TANGO2: variants seen among roughly 807,000 people sequenced by gnomAD.
TANGO2 encodes transport and Golgi organization protein 2 homolog.
Under a neutral mutation model 39.1 loss-of-function variants are expected in TANGO2, and 26 were observed. That is an observed-to-expected ratio of 0.67 (90% confidence interval 0.49 to 0.92). TANGO2 has a LOEUF of 0.92. Among genes scored for constraint, TANGO2 ranks in the 40% least tolerant of loss-of-function variants. TANGO2 has a pLI of 0.00. For missense variants in TANGO2, 326 were observed against 360.1 expected (o/e 0.91, Z 0.77); for synonymous variants, 131 against 144.5 (o/e 0.91, Z 0.67).
chr22:20,018,528 C>A (rs987766060), upstream of TANGO2, among the ~76,000 whole-genome samples: 2 of 152,218 alleles, frequency 1.3e-5, no homozygotes, highest in Non-Finnish European at 2.9e-5. Flanking sequence ...ACCCCCTCCC[C>A]ACACTTGCAA....
At chr22:20,039,988 C>T (rs1465087365) in intron 2 of TANGO2, among the ~76,000 whole-genome samples, 1 of 152,128 alleles carries the variant, frequency 6.6e-6, no homozygotes, top group Non-Finnish European at 1.5e-5. Context: ...GGTGACTTGC[C>T]ATCCTCAGGG....
chr22:20,020,831 C>T (rs539359960), upstream of TANGO2, among the ~76,000 whole-genome samples: 461 of 152,220 alleles, frequency 3.0e-3, 1 homozygote, highest in African/African-American at 0.011. Flanking sequence ...GGGGCGGCTG[C>T]GACCTCCCAT....
chr22:20,019,663 T>TG (rs1037110087), upstream of TANGO2, among the ~76,000 whole-genome samples: 37 of 152,342 alleles, frequency 2.4e-4, no homozygotes, highest in Admixed American at 8.5e-4. Flanking sequence ...CCTGGTGCTT[T>TG]GGGGAAGCCC....
In TANGO2 at chr22:20,064,844, G is replaced by A. The variant is rs1057339760; in HGVS notation, c.*182G>A. The A allele has an allele frequency of 4.1e-6, 3 of 739,558 alleles. No homozygotes were observed. Among genetic ancestry groups the A allele is most frequent in the Non-Finnish European group, 6.4e-6 (3 of 468,746 alleles). The allele number at this position is 739,558 out of a possible 1,614,324, so 45.8% of individuals were successfully genotyped here. A position where few individuals can be genotyped will look rare whatever the true frequency, so the allele number is the denominator to read the frequency against. ...TGTCCCCATGCCCAGTTCAGGGTCT[G>A]CCTTTATGCCAGTGAGGAGCAGCAG... On this transcript the variant is annotated 3_prime_UTR_variant, in exon 9 of 9. Transcript: ENST00000327374.
At chr22:20,041,970 G>T (rs372347853) in intron 2 of TANGO2, among the ~76,000 whole-genome samples, 41 of 152,048 alleles carry the variant, frequency 2.7e-4, no homozygotes, top group African/African-American at 9.2e-4. Context: ...GTGCTCAGGG[G>T]GTCTTCAGCC....
intron 1 of TANGO2, chr22:20,033,157 G>A: frequency 1.9e-6 from 1 of 513,674 alleles, no homozygotes; most frequent in Non-Finnish European, 4.0e-6. Context: ...AGGGATTGGA[G>A]AGAAAGGCAG....
intron 1 of TANGO2, among the ~76,000 whole-genome samples, chr22:20,032,866 G>C (rs1489859151): frequency 6.6e-6 from 1 of 152,240 alleles, no homozygotes; most frequent in Admixed American, 6.5e-5. Flanking sequence ...CCCAGATCAA[G>C]ATATGGTGAC....
chr22:20,024,426 C>T (rs967901392), intron 1 of TANGO2, among the ~76,000 whole-genome samples: 9 of 152,194 alleles, frequency 5.9e-5, no homozygotes, highest in Non-Finnish European at 1.2e-4. Flanking sequence ...ACCGGGAGCC[C>T]GCGTCACATG....
intron 2 of TANGO2, among the ~76,000 whole-genome samples, chr22:20,038,536 T>C (rs1239362422): frequency 6.6e-6 from 1 of 152,154 alleles, no homozygotes; most frequent in Non-Finnish European, 1.5e-5. Context: ...GGGCCCCTCT[T>C]GCTTTCACTC....
intron 3 of TANGO2, among the ~76,000 whole-genome samples, chr22:20,044,768 T>C (rs2044770761): frequency 6.6e-6 from 1 of 152,150 alleles, no homozygotes; most frequent in Non-Finnish European, 1.5e-5. Flanking sequence ...ACAAGACTGA[T>C]GTCCTTGGAA....
intron 8 of TANGO2, 145 bp from the exon 9 acceptor site, chr22:20,064,397 G>A: frequency 1.0e-6 from 1 of 977,082 alleles, no homozygotes; most frequent in South Asian, 1.6e-5. Context: ...CCAAGACTGA[G>A]GCTGCTGCTC....
intron 2 of TANGO2, among the ~76,000 whole-genome samples, chr22:20,037,681 G>A (rs1270844381): frequency 6.6e-6 from 1 of 152,148 alleles, no homozygotes; most frequent in Non-Finnish European, 1.5e-5. Flanking sequence ...TGGGTGAGTG[G>A]CAGGTCCCAG....
In TANGO2 at chr22:20,037,374, C is replaced by G. The variant is rs374054464; in HGVS notation, c.56+520C>G. On this transcript the variant is annotated intron_variant, in intron 2 of 8. Transcript: ENST00000327374. The stretch of plus-strand genomic sequence containing the variant: ...GCCACCCCTGACCCTGGACTCAGGA[C>G]GGCCACACCTCCATTCCCCAGGACA... Among the ~76,000 whole-genome samples the G allele has an allele frequency of 2.0e-4, 31 of 152,294 alleles. No homozygotes were observed. In the East Asian group the frequency reaches 4.2e-3, roughly 21 times the overall value.
In TANGO2 at chr22:20,057,441, C is replaced by T. The variant is rs763886722; in HGVS notation, c.451+1428C>T. On this transcript the variant is annotated intron_variant, in intron 6 of 8. Transcript: ENST00000327374. The surrounding 1 kb of genome is among the most constrained non-coding windows in gnomAD (Gnocchi z 4.1). Reference sequence around the variant, plus strand: ...CAGTGTGTCCCACCCACTGCCCCCACGCCTACCAGCTGGTGCCCTCTCCTC... The same window carrying T: ...CAGTGTGTCCCACCCACTGCCCCCATGCCTACCAGCTGGTGCCCTCTCCTC... 2.6e-5 allele frequency among the ~76,000 whole-genome samples: 4 copies of T among 152,340 alleles called. No homozygotes were observed. The highest frequency in any genetic ancestry group is 1.9e-4 in the East Asian group (1 of 5,184).
At chr22:20,024,624 T>A (rs2040379322) in intron 1 of TANGO2, among the ~76,000 whole-genome samples, 1 of 152,184 alleles carries the variant, frequency 6.6e-6, no homozygotes, top group African/African-American at 2.4e-5. Flanking sequence ...TTAGTCACCC[T>A]CTGTTCAGGG....
chr22:20,051,472 A>G (rs2147482846), intron 3 of TANGO2, among the ~76,000 whole-genome samples: 1 of 152,238 alleles, frequency 6.6e-6, no homozygotes, highest in Non-Finnish European at 1.5e-5. Flanking sequence ...GAGAGGTTGC[A>G]GTGAGCCGAG....
intron 3 of TANGO2, among the ~76,000 whole-genome samples, chr22:20,046,160 T>TTTTGAGATAGGGTCTCAC: frequency 6.6e-6 from 1 of 152,200 alleles, no homozygotes; most frequent in East Asian, 1.9e-4. Flanking sequence ...TTTTCTTTTT[T>TTTTGAGATAGGGTCTCAC]TTTGAGATAG....
chr22:20,020,177 A>G (rs749159037), upstream of TANGO2, among the ~76,000 whole-genome samples: 2 of 152,252 alleles, frequency 1.3e-5, no homozygotes, highest in African/African-American at 4.8e-5. Flanking sequence ...GTTTACATCT[A>G]TAAAGTGGGA....
chr22:20,041,138 G>C (rs1569274260), intron 2 of TANGO2, among the ~76,000 whole-genome samples: 1 of 152,204 alleles, frequency 6.6e-6, no homozygotes, highest in South Asian at 2.1e-4. Flanking sequence ...TGAATGGTGG[G>C]TGCTAGCACC....
Sources: allele counts gnomAD v4.1 joint callset (sites outside exome capture counted in the v4.1 genomes callset), GRCh38; gene constraint gnomAD v4.1.1; non-coding constraint Gnocchi (gnomAD v3.1); transcripts MANE v1.5; gene names NCBI Gene and HGNC (gene_info 2026-07-23, HGNC 2026-07-21).